CHRM2: variants seen among roughly 807,000 people sequenced by gnomAD.
CHRM2 encodes the protein cholinergic receptor muscarinic 2.
In CHRM2, 8 loss-of-function variants were observed where a neutral mutation model predicts 25.0. The ratio of observed to expected loss-of-function variants is 0.32; its 90% CI spans 0.19 to 0.58. The LOEUF is 0.58. CHRM2 is among the 20% of genes least tolerant of loss of function. The pLI is 0.88. For synonymous variants in CHRM2, 202 were observed against 205.7 expected (o/e 0.98, Z 0.15); for missense variants, 440 against 567.1 (o/e 0.78, Z 2.28).
At chr7:136,979,386 T>C (rs922951736) in intron 2 of CHRM2, among the ~76,000 whole-genome samples, 1 of 152,222 alleles carries the variant, frequency 6.6e-6, no homozygotes, top group Admixed American at 6.5e-5. Flanking sequence ...TTTCTCCTAT[T>C]CTGTAGGTTG....
chr7:136,975,016 G>A (rs1802023016), intron 2 of CHRM2, among the ~76,000 whole-genome samples: 1 of 152,142 alleles, frequency 6.6e-6, no homozygotes, highest in Non-Finnish European at 1.5e-5. Flanking sequence ...AGTTAACAAG[G>A]GTTTCCAGGC....
At chr7:136,870,787 A>G (rs1179145595) in intron 2 of CHRM2, 1 of 152,256 alleles carries the variant, frequency 6.6e-6, no homozygotes, top group Non-Finnish European at 1.5e-5. Context: ...CACGTCTGTG[A>G]CTGCGGCCAC....
At chr7:136,941,435 T>C (rs1304809646) in intron 2 of CHRM2, among the ~76,000 whole-genome samples, 2 of 151,932 alleles carry the variant, frequency 1.3e-5, no homozygotes, top group African/African-American at 4.8e-5. Context: ...AGAACATGGG[T>C]GAATAGCTAG....
At position 137,015,156 on chromosome 7, in the gene CHRM2, C is replaced by T. The variant is rs1020529695; in HGVS notation, c.291C>T (p.Asp97=). ...GGCCTTTGGGACCTGTGGTGTGTGA[C>T]CTTTGGCTAGCCCTGGACTATGTGG... ...GYWPLGPVVC[D]LWLALDYVVS... The change falls in exon 4 of 4, where the codon GAC becomes GAT. Residue 97 remains aspartate, a synonymous_variant. Transcript: ENST00000680005. The surrounding 1 kb of genome is among the most constrained non-coding windows in gnomAD (Gnocchi z 5.1). 7 of 1,613,418 alleles carry T rather than the reference C, an allele frequency of 4.3e-6. No individual in the cohort carries two copies. The African/African-American group carries it at 5.3e-5, about 12-fold the overall frequency.
intron 2 of CHRM2, among the ~76,000 whole-genome samples, chr7:136,962,534 G>A (rs1180581489): frequency 6.6e-6 from 1 of 152,148 alleles, no homozygotes; most frequent in African/African-American, 2.4e-5. Context: ...AGGTAGTCAT[G>A]CCCTGTTCTC....
At chr7:136,887,648 A>C (rs1025958282) in intron 2 of CHRM2, among the ~76,000 whole-genome samples, 1 of 152,196 alleles carries the variant, frequency 6.6e-6, no homozygotes, top group African/African-American at 2.4e-5. Flanking sequence ...CAGATAATTC[A>C]TTGTGAAACT....
intron 2 of CHRM2, among the ~76,000 whole-genome samples, chr7:136,971,942 T>C (rs1801802119): frequency 6.6e-6 from 1 of 152,216 alleles, no homozygotes; most frequent in Admixed American, 6.5e-5. Context: ...GTAAATTCTC[T>C]GAGCTCTCTG....
chr7:136,948,444 C>A, intron 2 of CHRM2, among the ~76,000 whole-genome samples: 1 of 152,006 alleles, frequency 6.6e-6, no homozygotes, highest in East Asian at 1.9e-4. Flanking sequence ...TGGAAATGAG[C>A]GGAAGTGAGG....
intron 3 of CHRM2, among the ~76,000 whole-genome samples, chr7:136,997,838 G>GC (rs1803706979): frequency 6.6e-6 from 1 of 152,066 alleles, no homozygotes; most frequent in South Asian, 2.1e-4. Context: ...GGCTACATAG[G>GC]CAGAAATTAC....
chr7:136,909,514 C>T (rs1028235130), intron 2 of CHRM2, among the ~76,000 whole-genome samples: 2 of 151,854 alleles, frequency 1.3e-5, no homozygotes, highest in African/African-American at 4.8e-5. Flanking sequence ...GTTCAGATAA[C>T]TATCTCAGGT....
intron 2 of CHRM2, among the ~76,000 whole-genome samples, chr7:136,897,656 T>C (rs2130596017): frequency 6.6e-6 from 1 of 151,946 alleles, no homozygotes; most frequent in East Asian, 1.9e-4. Flanking sequence ...GATTGCACCA[T>C]TATTCGAGCC....
At chr7:136,953,744 C>T (rs952579043) in intron 2 of CHRM2, among the ~76,000 whole-genome samples, 1 of 143,296 alleles carries the variant, frequency 7.0e-6, no homozygotes. Context: ...AAAAAAAAAA[C>T]AAATATATTT....
rs17168855 is a variant in CHRM2, at chr7:136,987,699, C to A, written c.-124-4488C>A. On this transcript the variant is annotated intron_variant, in intron 2 of 3. Transcript: ENST00000680005. Reference sequence around the variant, plus strand: ...TATACGGAGGCAAGGATGCGTCAGTCGGAGCTACCAGGGACTATTTCCAAA... The same window carrying A: ...TATACGGAGGCAAGGATGCGTCAGTAGGAGCTACCAGGGACTATTTCCAAA... Among the ~76,000 whole-genome samples, 627 of 152,230 alleles carry A rather than the reference C, an allele frequency of 4.1e-3. 6 individuals are homozygous for A. Among genetic ancestry groups the A allele is most frequent in the African/African-American group, 0.014 (595 of 41,536 alleles).
chr7:137,010,669 C>G (rs559163777), intron 3 of CHRM2, among the ~76,000 whole-genome samples: 18 of 152,060 alleles, frequency 1.2e-4, no homozygotes, highest in African/African-American at 4.3e-4. Flanking sequence ...ATGTTTTCCA[C>G]TTTTACATAC....
intron 3 of CHRM2, among the ~76,000 whole-genome samples, chr7:136,992,715 T>A (rs1398378965): frequency 6.6e-6 from 1 of 152,138 alleles, no homozygotes; most frequent in African/African-American, 2.4e-5. Context: ...GTAACAAGGA[T>A]TGACTGACTC....
At chr7:136,882,698 C>A (rs113515545) in intron 2 of CHRM2, among the ~76,000 whole-genome samples, 3,007 of 152,150 alleles carry the variant, frequency 0.02, 43 homozygotes, top group Non-Finnish European at 0.029. Context: ...AATGTTTCCA[C>A]TTTCGAAACC....
At chr7:136,878,620 T>G (rs1796139332) in intron 2 of CHRM2, among the ~76,000 whole-genome samples, 1 of 151,876 alleles carries the variant, frequency 6.6e-6, no homozygotes, top group Non-Finnish European at 1.5e-5. Context: ...ACAGCTGCTG[T>G]TTTTTGAGTG....
intron 2 of CHRM2, among the ~76,000 whole-genome samples, chr7:136,876,770 G>A (rs531448336): frequency 6.6e-6 from 1 of 152,228 alleles, no homozygotes; most frequent in Non-Finnish European, 1.5e-5. Flanking sequence ...TTCTGAGGCT[G>A]AGAATCCTAA....
chr7:136,972,732 T>C (rs969037002), intron 2 of CHRM2, among the ~76,000 whole-genome samples: 2 of 144,880 alleles, frequency 1.4e-5, no homozygotes, highest in Admixed American at 7.1e-5. Flanking sequence ...CAGGTAATGA[T>C]GGTGACGGTG....
Sources: allele counts gnomAD v4.1 joint callset (sites outside exome capture counted in the v4.1 genomes callset), GRCh38; gene constraint gnomAD v4.1.1; non-coding constraint Gnocchi (gnomAD v3.1); transcripts MANE v1.5; gene names NCBI Gene and HGNC (gene_info 2026-07-23, HGNC 2026-07-21).